Variants in NALCN observed in about 807,000 individuals in gnomAD.
The protein encoded by NALCN is sodium leak channel NALCN.
In NALCN, 111 loss-of-function variants were observed where a neutral mutation model predicts 225.3. The observed-to-expected ratio is 0.49, with a 90% CI of 0.42 to 0.58. The LOEUF is 0.58. Ranked by LOEUF, NALCN falls within the 20% of genes least tolerant of loss-of-function variation. The pLI, the probability that NALCN is intolerant of heterozygous loss-of-function variation, is 0.00. For missense variants in NALCN, 1,378 were observed against 2,202.4 expected (o/e 0.63, Z 7.49); for synonymous variants, 764 against 769.0 (o/e 0.99, Z 0.11).
At chr13:101,101,869 G>A (rs1403827807) in intron 26 of NALCN, among the ~76,000 whole-genome samples, 3 of 152,146 alleles carry the variant, frequency 2.0e-5, no homozygotes, top group African/African-American at 7.2e-5. Context: ...CACCATTAGG[G>A]AAAGGCACAA....
At chr13:101,160,101 C>CCCG (rs2038097338) in intron 15 of NALCN, among the ~76,000 whole-genome samples, 1 of 151,992 alleles carries the variant, frequency 6.6e-6, no homozygotes, top group Non-Finnish European at 1.5e-5. Context: ...ACTACAGGTA[C>CCCG]ACACCACCAT....
chr13:101,142,982 T>A, intron 17 of NALCN, 98 bp downstream of exon 17: 1 of 1,403,308 alleles, frequency 7.1e-7, no homozygotes, highest in Non-Finnish European at 1.0e-6. Flanking sequence ...ATTATTCTCT[T>A]GAGAAATTGG....
At chr13:101,106,854 T>A (rs114169269) in intron 22 of NALCN, among the ~76,000 whole-genome samples, 22 of 152,204 alleles carry the variant, frequency 1.4e-4, no homozygotes, top group Non-Finnish European at 4.4e-5. Context: ...ATCAGTGGCA[T>A]GAAAATGGAC....
chr13:101,078,590 T>C (rs1356296463), intron 34 of NALCN, among the ~76,000 whole-genome samples: 4 of 152,194 alleles, frequency 2.6e-5, no homozygotes, highest in Non-Finnish European at 5.9e-5. Context: ...TTGGAATGGG[T>C]ATATTTACCC....
chr13:101,348,756 G>C (rs966386413), intron 6 of NALCN, among the ~76,000 whole-genome samples: 2 of 152,046 alleles, frequency 1.3e-5, no homozygotes, highest in African/African-American at 4.8e-5. Flanking sequence ...CAGCAGGCTT[G>C]AAACATTTTT....
chr13:101,208,015 C>G (rs925077071), intron 13 of NALCN, among the ~76,000 whole-genome samples: 7 of 151,504 alleles, frequency 4.6e-5, no homozygotes, highest in Middle Eastern at 7.0e-3. Context: ...GTAACACTCA[C>G]CACGAAGGTC....
chr13:101,201,451 G>T (rs766050615), intron 13 of NALCN, among the ~76,000 whole-genome samples: 1 of 152,072 alleles, frequency 6.6e-6, no homozygotes, highest in Non-Finnish European at 1.5e-5. Context: ...ATGTGGCCAG[G>T]GGTCATCCAT....
At chr13:101,095,189 A>C (rs1241619293) in intron 28 of NALCN, among the ~76,000 whole-genome samples, 1 of 152,202 alleles carries the variant, frequency 6.6e-6, no homozygotes, top group Non-Finnish European at 1.5e-5. Flanking sequence ...TTTATGATTT[A>C]GGGTTCTATT....
At chr13:101,101,838 G>A (rs2034839184) in intron 26 of NALCN, among the ~76,000 whole-genome samples, 1 of 152,076 alleles carries the variant, frequency 6.6e-6, no homozygotes, top group Non-Finnish European at 1.5e-5. Flanking sequence ...ATATACCTAA[G>A]TGTACTAAAA....
chr13:101,131,190 T>C (rs577091447), intron 17 of NALCN, among the ~76,000 whole-genome samples: 1 of 152,306 alleles, frequency 6.6e-6, no homozygotes, highest in Admixed American at 6.5e-5. Flanking sequence ...TTTATTTATG[T>C]TGCTATTTCA....
intron 6 of NALCN, among the ~76,000 whole-genome samples, chr13:101,360,775 C>T (rs2046230037): frequency 2.0e-5 from 3 of 152,170 alleles, no homozygotes; most frequent in Non-Finnish European, 4.4e-5. Flanking sequence ...ATACCTGCCT[C>T]TTTGCAGGAA....
intron 31 of NALCN, 95 bp from the exon 32 acceptor site, chr13:101,083,293 T>C: frequency 1.9e-6 from 2 of 1,035,564 alleles, no homozygotes; most frequent in Non-Finnish European, 2.9e-6. Context: ...TAAAACCCAT[T>C]ACATTTTTCT....
chr13:101,334,228 C>G (rs146876503), intron 7 of NALCN, among the ~76,000 whole-genome samples: 1 of 151,930 alleles, frequency 6.6e-6, no homozygotes, highest in Admixed American at 6.6e-5. Context: ...ACATGTAGAA[C>G]GAAGTAACGA....
In NALCN at chr13:101,368,148, C is replaced by T. The variant is rs1441892410; in HGVS notation, c.644+8552G>A. On this transcript the variant is annotated intron_variant, in intron 6 of 43. Coordinates refer to ENST00000251127, the MANE Select transcript of NALCN (RefSeq NM_052867.4). ...AGGTATATCTCCTAAAGCTATCCCTCCCCCCTCCCCCCACCCCACAACAGT... is the reference window on the plus strand; with the variant it reads ...AGGTATATCTCCTAAAGCTATCCCTTCCCCCTCCCCCCACCCCACAACAGT... Among the ~76,000 whole-genome samples the T allele has an allele frequency of 6.8e-5, 8 of 117,168 alleles. No homozygotes were observed. The East Asian group carries it at 2.3e-3, about 34-fold the overall frequency. The allele number at this position is 117,168 out of a possible 152,430, so 76.9% of individuals were successfully genotyped here. A position where few individuals can be genotyped will look rare whatever the true frequency, so the allele number is the denominator to read the frequency against.
At chr13:101,301,269 C>G (rs2043955387) in intron 7 of NALCN, among the ~76,000 whole-genome samples, 1 of 152,172 alleles carries the variant, frequency 6.6e-6, no homozygotes, top group Non-Finnish European at 1.5e-5. Context: ...ACTCCCTGCG[C>G]CCCCTGCGCT....
At chr13:101,272,903 C>T (rs1264833233) in intron 10 of NALCN, among the ~76,000 whole-genome samples, 1 of 152,148 alleles carries the variant, frequency 6.6e-6, no homozygotes, top group South Asian at 2.1e-4. Context: ...AGGCCACCTC[C>T]CCTCAATCTT....
At chr13:101,225,704 C>T (rs2041115873) in intron 13 of NALCN, among the ~76,000 whole-genome samples, 1 of 152,172 alleles carries the variant, frequency 6.6e-6, no homozygotes, top group South Asian at 2.1e-4. Context: ...CTCAACCAAT[C>T]AGGCCTAGTA....
chr13:101,276,665 A>T (rs139673167), intron 10 of NALCN, among the ~76,000 whole-genome samples: 1 of 152,200 alleles, frequency 6.6e-6, no homozygotes, highest in Non-Finnish European at 1.5e-5. Context: ...TGTGGTTTCA[A>T]ACTGCAGACA....
At chr13:101,165,778 A>G (rs560979444) in intron 15 of NALCN, among the ~76,000 whole-genome samples, 2 of 152,344 alleles carry the variant, frequency 1.3e-5, no homozygotes, top group South Asian at 4.1e-4. Flanking sequence ...GCCTAGCCCC[A>G]TCTTAACCAT....
Sources: gnomAD v4.1 joint callset for allele counts (sites outside exome capture counted in the v4.1 genomes callset) on GRCh38, gnomAD v4.1.1 for gene constraint, MANE v1.5 for transcripts, NCBI Gene and HGNC (gene_info 2026-07-23, HGNC 2026-07-21) for gene names.